SLC25A13: variants seen among roughly 807,000 people sequenced by gnomAD.
SLC25A13 encodes electrogenic aspartate/glutamate antiporter SLC25A13, mitochondrial.
In SLC25A13, 70 loss-of-function variants were observed where a neutral mutation model predicts 85.5. That is an observed-to-expected ratio of 0.82 (90% CI 0.68 to 1.00). The LOEUF (loss-of-function observed/expected upper bound fraction) is 1.00. SLC25A13 is among the 50% of genes least tolerant of loss of function. The pLI, the probability that SLC25A13 is intolerant of heterozygous loss-of-function variation, is 0.00. For missense variants in SLC25A13, 765 were observed against 819.8 expected, an observed-to-expected ratio of 0.93 and a Z score of 0.82; for synonymous variants, 259 against 288.7, an observed-to-expected ratio of 0.90 and a Z score of 1.04.
intron 14 of SLC25A13, among the ~76,000 whole-genome samples, chr7:96,142,981 C>T (rs7798509): frequency 0.48 from 73,402 of 152,016 alleles, 18,945 homozygotes; most frequent in African/African-American, 0.68. Context: ...AAAAAAACAA[C>T]GCCTTTGATT....
Position 96,193,081 on chromosome 7 carries a change from G to A in SLC25A13, c.571C>T (p.Arg191Cys), listed in dbSNP as rs199744651. ...ACAAAAGGAGTCAAGACATGGGGGCGGATGGTGACCATGATGTCTCGGAAG... is the reference window on the plus strand; with the variant it reads ...ACAAAAGGAGTCAAGACATGGGGGCAGATGGTGACCATGATGTCTCGGAAG... ...IDFRDIMVTI[R>C]PHVLTPFVEE... Residue 191 changes from arginine (R) to cysteine (C), a missense_variant, in exon 6 of 18, where the codon CGC (arginine) becomes TGC (cysteine). Physicochemically the swap from Arg to Cys is radical, Grantham distance 180. Coordinates refer to ENST00000265631, the MANE Select transcript of SLC25A13 (RefSeq NM_014251.3). 59 of 1,613,796 alleles carry A rather than the reference G, an allele frequency of 3.7e-5. No individual in the cohort carries two copies. Among genetic ancestry groups the A allele is most frequent in the Non-Finnish European group, 4.5e-5 (53 of 1,179,988 alleles).
chr7:96,290,655 A>G (rs1562908406), intron 2 of SLC25A13, among the ~76,000 whole-genome samples: 1 of 152,136 alleles, frequency 6.6e-6, no homozygotes, highest in Non-Finnish European at 1.5e-5. Context: ...CAGACTTTAA[A>G]CCAACAAAGA....
At position 96,131,729 on chromosome 7, in the gene SLC25A13, T is replaced by C. The variant is rs886605906; in HGVS notation, c.1591+14A>G. On this transcript the variant is annotated intron_variant, in intron 15 of 17. Transcript: ENST00000265631. The stretch of plus-strand genomic sequence containing the variant: ...GGGTCAGGGAAGTAAGAGAACTCCA[T>C]GGGGGACACTCACCAGCTATGGCAC... 2 of 1,613,756 alleles carry C rather than the reference T, an allele frequency of 1.2e-6. No homozygotes were observed. Among genetic ancestry groups the C allele is most frequent in the South Asian group, 1.1e-5 (1 of 91,038 alleles).
At chr7:96,200,765 G>A (rs1451514600) in intron 5 of SLC25A13, among the ~76,000 whole-genome samples, 1 of 152,152 alleles carries the variant, frequency 6.6e-6, no homozygotes, top group African/African-American at 2.4e-5. Context: ...GGTAACAGCT[G>A]GGGAGATGCT....
At chr7:96,226,570 T>A (rs1018832783) in intron 4 of SLC25A13, among the ~76,000 whole-genome samples, 7 of 151,990 alleles carry the variant, frequency 4.6e-5, no homozygotes, top group South Asian at 2.1e-4. Flanking sequence ...TCTCCATAAC[T>A]ATTTTCCACA....
Position 96,130,567 on chromosome 7 carries a change from C to A in SLC25A13, c.1591+1176G>T, listed in dbSNP as rs60748093. On this transcript the variant is annotated intron_variant, in intron 15 of 17. Transcript: ENST00000265631. Reference sequence around the variant, plus strand: ...CTCAGTTATTCTCATTAGGTCCTACCTTATTTCAAGTAAATAATTTGAAAT... The same window carrying A: ...CTCAGTTATTCTCATTAGGTCCTACATTATTTCAAGTAAATAATTTGAAAT... Among the ~76,000 whole-genome samples, 1,367 of 152,286 alleles carry A rather than the reference C, an allele frequency of 9.0e-3. 23 individuals are homozygous for A. The highest frequency in any genetic ancestry group is 0.032 in the African/African-American group (1,314 of 41,554).
rs148541125 is a variant in SLC25A13 at position 96,248,563 on chromosome 7, C to T, written c.213-13646G>A. 3.8e-3 allele frequency among the ~76,000 whole-genome samples: 586 copies of T among 152,218 alleles called. 2 individuals carry two copies. Among genetic ancestry groups the T allele is most frequent in the African/African-American group, 0.014 (562 of 41,542 alleles). ...AAAGAAACAGCCACACAAAATGGTG[C>T]AACTTGGACTTAGGTACCATGCTCC... On this transcript the variant is annotated intron_variant, in intron 3 of 17. Transcript: ENST00000265631.
rs140282342 is a variant in SLC25A13 at position 96,173,037 on chromosome 7, C to T, written c.1178-1513G>A. ...CCTTCCAAAGTGTCGGGATTACAGGCGTGAGCCACAGCGCCCGGCCTCCAG... is the reference window on the plus strand; with the variant it reads ...CCTTCCAAAGTGTCGGGATTACAGGTGTGAGCCACAGCGCCCGGCCTCCAG... On this transcript the variant is annotated intron_variant, in intron 11 of 17. Coordinates refer to ENST00000265631, the MANE Select transcript of SLC25A13 (RefSeq NM_014251.3). Among the ~76,000 whole-genome samples, 236 of 152,320 alleles carry T rather than the reference C, an allele frequency of 1.5e-3. 3 individuals are homozygous for T. The highest frequency in any genetic ancestry group is 5.5e-3 in the African/African-American group (230 of 41,572).
chr7:96,176,260 A>G (rs1434857177), intron 11 of SLC25A13, among the ~76,000 whole-genome samples: 1 of 152,206 alleles, frequency 6.6e-6, no homozygotes, highest in Non-Finnish European at 1.5e-5. Context: ...TTCAGCAGAA[A>G]AATCAGGTTT....
intron 1 of SLC25A13, among the ~76,000 whole-genome samples, chr7:96,313,234 G>A (rs1407331934): frequency 6.6e-6 from 1 of 152,122 alleles, no homozygotes; most frequent in Non-Finnish European, 1.5e-5. Flanking sequence ...AGTGCGGCAG[G>A]AACTGGAGGG....
chr7:96,307,268 C>A (rs1274459114), intron 1 of SLC25A13, among the ~76,000 whole-genome samples: 1 of 151,948 alleles, frequency 6.6e-6, no homozygotes, highest in South Asian at 2.1e-4. Flanking sequence ...GTACAGAACA[C>A]CTATTTGAAG....
intron 11 of SLC25A13, among the ~76,000 whole-genome samples, chr7:96,173,580 A>AT (rs543224981): frequency 2.9e-4 from 44 of 151,922 alleles, no homozygotes; most frequent in Non-Finnish European, 6.2e-4. Context: ...GTTTTTTCTC[A>AT]TTTTTTATTT....
chr7:96,243,703 C>A (rs1003789713), intron 3 of SLC25A13, among the ~76,000 whole-genome samples: 1 of 152,048 alleles, frequency 6.6e-6, no homozygotes, highest in Non-Finnish European at 1.5e-5. Flanking sequence ...TGAAAAGCAG[C>A]GGCCAGGAAA....
At chr7:96,305,498 C>A (rs1340691532) in intron 1 of SLC25A13, among the ~76,000 whole-genome samples, 1 of 152,180 alleles carries the variant, frequency 6.6e-6, no homozygotes, top group Non-Finnish European at 1.5e-5. Context: ...TAATTAGGAA[C>A]CAGCTGCAAT....
chr7:96,186,566 A>G (rs947870731), intron 9 of SLC25A13, among the ~76,000 whole-genome samples: 2 of 152,202 alleles, frequency 1.3e-5, no homozygotes, highest in Non-Finnish European at 2.9e-5. Context: ...AAAAAGAACA[A>G]AAATTTGGGA....
chr7:96,169,556 G>A (rs781534605), intron 13 of SLC25A13, among the ~76,000 whole-genome samples: 1 of 152,140 alleles, frequency 6.6e-6, no homozygotes, highest in Non-Finnish European at 1.5e-5. Flanking sequence ...ACAATGCAGC[G>A]CACACTCAGC....
chr7:96,198,239 A>G (rs6976802), intron 5 of SLC25A13, among the ~76,000 whole-genome samples: 2 of 151,946 alleles, frequency 1.3e-5, no homozygotes, highest in Non-Finnish European at 2.9e-5. Context: ...AATAGGCACA[A>G]CACCACCTAC....
chr7:96,214,163 T>C (rs749330514), intron 4 of SLC25A13, among the ~76,000 whole-genome samples: 4 of 152,196 alleles, frequency 2.6e-5, no homozygotes, highest in Non-Finnish European at 5.9e-5. Context: ...AAAGTGGCAG[T>C]TGTTTACTTC....
chr7:96,146,760 T>C, intron 13 of SLC25A13, 64 bp from the exon 14 acceptor site: 2 of 1,533,732 alleles, frequency 1.3e-6, no homozygotes, highest in Non-Finnish European at 1.8e-6. Flanking sequence ...CAGGAAGAGA[T>C]GAATGATTAT....
Sources: allele counts gnomAD v4.1 joint callset (sites outside exome capture counted in the v4.1 genomes callset), GRCh38; gene constraint gnomAD v4.1.1; transcripts MANE v1.5; gene names NCBI Gene and HGNC (gene_info 2026-07-23, HGNC 2026-07-21).